Variants in CDH8 observed in about 807,000 individuals in gnomAD.
The protein encoded by CDH8 is cadherin 8, also known as cadherin-8.
CDH8 carries 17 observed loss-of-function variants against 68.1 expected under a neutral mutation model. The ratio of observed to expected loss-of-function variants is 0.25; its 90% CI spans 0.17 to 0.37. CDH8 has a LOEUF of 0.37. CDH8 is among the 10% of genes least tolerant of loss of function. The pLI is 1.00. For missense variants in CDH8, 763 were observed against 999.3 expected, an observed-to-expected ratio of 0.76 and a Z score of 3.19; for synonymous variants, 372 against 365.1, an observed-to-expected ratio of 1.02 and a Z score of -0.21.
intron 7 of CDH8, among the ~76,000 whole-genome samples, chr16:61,798,364 G>A (rs770400208): frequency 2.0e-5 from 3 of 152,114 alleles, no homozygotes; most frequent in Non-Finnish European, 2.9e-5. Flanking sequence ...ACTCAGGAGT[G>A]ATATGATCTA....
chr16:61,744,625 T>A (rs1959966482), intron 8 of CDH8, among the ~76,000 whole-genome samples: 1 of 151,706 alleles, frequency 6.6e-6, no homozygotes, highest in South Asian at 2.1e-4. Flanking sequence ...TATTTCTTAG[T>A]TTTCCCCTTT....
intron 4 of CDH8, among the ~76,000 whole-genome samples, chr16:61,828,503 G>A (rs556557498): frequency 1.3e-5 from 2 of 151,694 alleles, no homozygotes; most frequent in Non-Finnish European, 2.9e-5. Context: ...ATCTACACAC[G>A]TTTTATGCAT....
At chr16:61,738,285 T>C (rs889616241) in intron 8 of CDH8, among the ~76,000 whole-genome samples, 1 of 152,274 alleles carries the variant, frequency 6.6e-6, no homozygotes, top group East Asian at 1.9e-4. Flanking sequence ...GCTCTCTAAA[T>C]GGGGAGAAAA....
intron 10 of CDH8, among the ~76,000 whole-genome samples, chr16:61,662,186 T>C (rs940126710): frequency 2.2e-4 from 34 of 151,286 alleles, no homozygotes; most frequent in Non-Finnish European, 3.0e-5. Context: ...ATCTTGGCTG[T>C]TCACTACCTC....
intron 10 of CDH8, among the ~76,000 whole-genome samples, chr16:61,711,427 G>C (rs1964628008): frequency 1.3e-5 from 2 of 151,730 alleles, no homozygotes; most frequent in South Asian, 4.1e-4. Context: ...CTTGCAGGCT[G>C]GAACTTGTAA....
chr16:61,938,059 G>GAAT (rs911555159), intron 2 of CDH8: 1 of 152,132 alleles, frequency 6.6e-6, no homozygotes, highest in African/African-American at 2.4e-5. Flanking sequence ...GTATTTCACT[G>GAAT]ATGCCCAGAA....
rs533643682 is a variant in CDH8, at chr16:61,700,001, A to T, written c.1654+13840T>A. 2.0e-5 allele frequency among the ~76,000 whole-genome samples: 3 copies of T among 152,284 alleles called. No individual in the cohort carries two copies. The East Asian group carries it at 5.8e-4, about 29-fold the overall frequency. On this transcript the variant is annotated intron_variant, in intron 10 of 11. Transcript: ENST00000577390. ...CTAAGATATATATATTTTATGTTGTAATGTTCCCAAAATCAGAGTTTCTTA... is the reference window on the plus strand; with the variant it reads ...CTAAGATATATATATTTTATGTTGTTATGTTCCCAAAATCAGAGTTTCTTA...
At chr16:61,801,797 C>T (rs995220652) in intron 7 of CDH8, among the ~76,000 whole-genome samples, 8 of 152,254 alleles carry the variant, frequency 5.3e-5, no homozygotes, top group African/African-American at 1.9e-4. Context: ...ATATCCCACA[C>T]CTGGCTCGGA....
chr16:61,809,224 AG>A (rs1961880129), intron 7 of CDH8, among the ~76,000 whole-genome samples: 1 of 152,150 alleles, frequency 6.6e-6, no homozygotes. Context: ...AAACAAAAAA[AG>A]TAACAGGCCG....
chr16:61,964,068 T>C (rs1965204706), intron 2 of CDH8, among the ~76,000 whole-genome samples: 2 of 152,160 alleles, frequency 1.3e-5, no homozygotes. Flanking sequence ...CCAAACAACT[T>C]ACAATAAAAC....
At chr16:61,697,849 C>G (rs971153448) in intron 10 of CDH8, among the ~76,000 whole-genome samples, 3 of 152,108 alleles carry the variant, frequency 2.0e-5, no homozygotes, top group Admixed American at 6.5e-5. Context: ...GCAGATAAGC[C>G]AGCATAGAGA....
intron 4 of CDH8, among the ~76,000 whole-genome samples, chr16:61,843,374 G>T (rs573484452): frequency 2.2e-4 from 33 of 152,268 alleles, no homozygotes; most frequent in African/African-American, 5.8e-4. Flanking sequence ...TGTATGGGTC[G>T]CTTTAAATAT....
At chr16:61,977,606 G>A (rs1054122569) in intron 2 of CDH8, among the ~76,000 whole-genome samples, 5 of 151,864 alleles carry the variant, frequency 3.3e-5, no homozygotes, top group African/African-American at 1.2e-4. Flanking sequence ...TACACCTCGG[G>A]AGAAAGATCT....
intron 2 of CDH8, among the ~76,000 whole-genome samples, chr16:61,904,303 A>T (rs1356445780): frequency 6.6e-6 from 1 of 152,316 alleles, no homozygotes; most frequent in African/African-American, 2.4e-5. Context: ...TCTTCACATA[A>T]GTGTGTCATA....
At chr16:61,663,849 T>G (rs2142761583) in intron 10 of CDH8, among the ~76,000 whole-genome samples, 2 of 152,132 alleles carry the variant, frequency 1.3e-5, no homozygotes, top group East Asian at 3.9e-4. Flanking sequence ...GGATAATAGA[T>G]AAACATGTAT....
chr16:61,846,548 AT>A (rs1962810128), intron 4 of CDH8, among the ~76,000 whole-genome samples: 1 of 152,058 alleles, frequency 6.6e-6, no homozygotes, highest in Non-Finnish European at 1.5e-5. Context: ...ACTCCTCTAC[AT>A]TTTGCAGATG....
At chr16:61,962,359 G>A (rs1269831743) in intron 2 of CDH8, among the ~76,000 whole-genome samples, 1 of 152,172 alleles carries the variant, frequency 6.6e-6, no homozygotes, top group East Asian at 1.9e-4. Context: ...GATGGAGGGT[G>A]TGGGGGAAGT....
chr16:61,970,816 C>G lies in CDH8; in HGVS notation c.252+50336G>C, dbSNP rs1048382954. 2.6e-5 allele frequency among the ~76,000 whole-genome samples: 4 copies of G among 152,202 alleles called. 1 individual carries two copies. The East Asian group carries it at 7.7e-4, about 29-fold the overall frequency. On this transcript the variant is annotated intron_variant, in intron 2 of 11. Coordinates refer to ENST00000577390, the MANE Select transcript of CDH8 (RefSeq NM_001796.5). ...GGCCTCTGAGCCCAAGCCAAGCCAT[C>G]GCATCCCCTATGACTTGCACGTATA...
At chr16:61,900,666 G>C (rs565856391) in intron 3 of CDH8, among the ~76,000 whole-genome samples, 5 of 152,116 alleles carry the variant, frequency 3.3e-5, no homozygotes, top group Non-Finnish European at 7.4e-5. Flanking sequence ...TTGTTAAGAT[G>C]GACACAAATA....
Sources: gnomAD v4.1 joint callset for allele counts (sites outside exome capture counted in the v4.1 genomes callset) on GRCh38, gnomAD v4.1.1 for gene constraint, MANE v1.5 for transcripts, NCBI Gene and HGNC (gene_info 2026-07-23, HGNC 2026-07-21) for gene names.